WWOX: variants seen among roughly 807,000 people sequenced by gnomAD.
WWOX encodes the protein WW domain-containing oxidoreductase.
In WWOX, 69 loss-of-function variants were observed where a neutral mutation model predicts 46.2. The observed-to-expected ratio is 1.49, with a 90% CI of 1.23 to 1.82. The LOEUF is 1.82. Ranked by LOEUF, WWOX falls within the 40% of genes most tolerant of loss-of-function variation. The probability of loss-of-function intolerance (pLI) is 0.00; values close to 1 mark genes in which losing one functional copy is unlikely to be tolerated. For missense variants in WWOX, 919 were observed against 542.6 expected, an observed-to-expected ratio of 1.69 and a Z score of -6.89; for synonymous variants, 359 against 202.6, an observed-to-expected ratio of 1.77 and a Z score of -6.56.
At chr16:78,155,748 C>T (rs1199478408) in intron 4 of WWOX, among the ~76,000 whole-genome samples, 1 of 152,170 alleles carries the variant, frequency 6.6e-6, no homozygotes, top group Non-Finnish European at 1.5e-5. Flanking sequence ...CATTATTTTG[C>T]ACAAACTTTG....
At chr16:78,499,633 C>T (rs2085009402) in intron 8 of WWOX, among the ~76,000 whole-genome samples, 1 of 152,102 alleles carries the variant, frequency 6.6e-6, no homozygotes, top group South Asian at 2.1e-4. Context: ...GTTGTACCAT[C>T]TGGTAGTTGT....
intron 6 of WWOX, among the ~76,000 whole-genome samples, chr16:78,408,367 C>G (rs985152463): frequency 7.2e-5 from 11 of 152,126 alleles, no homozygotes; most frequent in Non-Finnish European, 5.9e-5. Context: ...ATATAAGGCC[C>G]CAGACCCAGC....
At chr16:78,769,782 G>A (rs1344118579) in intron 8 of WWOX, among the ~76,000 whole-genome samples, 1 of 151,030 alleles carries the variant, frequency 6.6e-6, no homozygotes, top group African/African-American at 2.4e-5. Flanking sequence ...CAAGGTGGAA[G>A]GATCGCCTGA....
chr16:78,368,905 C>T (rs1352732799), intron 5 of WWOX, among the ~76,000 whole-genome samples: 1 of 152,196 alleles, frequency 6.6e-6, no homozygotes, highest in African/African-American at 2.4e-5. Context: ...CCCACCACTG[C>T]TCTGTGTCTG....
At chr16:78,144,595 C>T (rs905327737) in intron 4 of WWOX, among the ~76,000 whole-genome samples, 2 of 143,248 alleles carry the variant, frequency 1.4e-5, no homozygotes, top group African/African-American at 5.2e-5. Context: ...GATCTGAGCT[C>T]ACTGCAACCT....
intron 8 of WWOX, among the ~76,000 whole-genome samples, chr16:79,019,679 G>A (rs977482983): frequency 6.6e-6 from 1 of 151,852 alleles, no homozygotes; most frequent in African/African-American, 2.4e-5. Context: ...TCCAACCCCG[G>A]GCTCTCTAAG....
chr16:79,095,671 A>G (rs2049053293), intron 8 of WWOX, among the ~76,000 whole-genome samples: 1 of 152,076 alleles, frequency 6.6e-6, no homozygotes, highest in Non-Finnish European at 1.5e-5. Flanking sequence ...TCAACATGGA[A>G]CCATTATTTG....
rs575203514 is a variant in WWOX at position 78,800,825 on chromosome 16, C to G, written c.1056+368073C>G. On this transcript the variant is annotated intron_variant, in intron 8 of 8. Coordinates refer to ENST00000566780, the MANE Select transcript of WWOX (RefSeq NM_016373.4). Reference sequence around the variant, plus strand: ...CAAACTTCTCTTGAGATAGCATCTCCTCCCCAGCACTCACTTGACAGATTG... The same window carrying G: ...CAAACTTCTCTTGAGATAGCATCTCGTCCCCAGCACTCACTTGACAGATTG... 3.3e-5 allele frequency among the ~76,000 whole-genome samples: 5 copies of G among 150,736 alleles called. No homozygotes were observed. In the East Asian group the frequency reaches 9.7e-4, roughly 29 times the overall value.
At chr16:79,034,468 G>C (rs2047827086) in intron 8 of WWOX, among the ~76,000 whole-genome samples, 2 of 152,182 alleles carry the variant, frequency 1.3e-5, no homozygotes. Flanking sequence ...TTAAACAGCT[G>C]CATCTTTTGG....
At chr16:78,228,069 A>C (rs926820005) in intron 5 of WWOX, among the ~76,000 whole-genome samples, 1 of 151,922 alleles carries the variant, frequency 6.6e-6, no homozygotes, top group Admixed American at 6.6e-5. Context: ...GCCCAGGGCT[A>C]TGGGGAGAGG....
rs185269734 is a variant in WWOX at position 78,669,872 on chromosome 16, C to A, written c.1056+237120C>A. ...TTAGGGAGAAGGAAAAATAAAGTTT[C>A]TCTCCACGTTACGTTTTTTTCTTGC... On this transcript the variant is annotated intron_variant, in intron 8 of 8. Transcript: ENST00000566780. Among the ~76,000 whole-genome samples the A allele has an allele frequency of 7.9e-5, 12 of 152,276 alleles. No individual in the cohort carries two copies. In the East Asian group the frequency reaches 2.3e-3, roughly 29 times the overall value.
At chr16:79,156,154 A>G (rs897504840) in intron 8 of WWOX, among the ~76,000 whole-genome samples, 2 of 152,112 alleles carry the variant, frequency 1.3e-5, no homozygotes, top group African/African-American at 4.8e-5. Flanking sequence ...CTGTAGGTCT[A>G]GCAATTGGAG....
At chr16:78,635,894 G>T (rs961338235) in intron 8 of WWOX, among the ~76,000 whole-genome samples, 1 of 152,164 alleles carries the variant, frequency 6.6e-6, no homozygotes, top group Non-Finnish European at 1.5e-5. Context: ...TGGAAACCAG[G>T]ACACAGAGAA....
At chr16:78,885,887 A>G (rs896047742) in intron 8 of WWOX, among the ~76,000 whole-genome samples, 2 of 150,882 alleles carry the variant, frequency 1.3e-5, no homozygotes, top group African/African-American at 4.9e-5. Context: ...TTTAGAGTTG[A>G]GTTTTAATCA....
intron 8 of WWOX, among the ~76,000 whole-genome samples, chr16:78,875,451 C>CA (rs965099588): frequency 6.6e-6 from 1 of 151,942 alleles, no homozygotes; most frequent in African/African-American, 2.4e-5. Flanking sequence ...ATGATTAAAA[C>CA]AAAAAAATAG....
chr16:78,819,055 C>G (rs761810817), intron 8 of WWOX, among the ~76,000 whole-genome samples: 4 of 152,194 alleles, frequency 2.6e-5, no homozygotes, highest in African/African-American at 4.8e-5. Context: ...CGGCGAAGCA[C>G]TTAGCACATG....
At chr16:79,091,930 G>T (rs944064827) in intron 8 of WWOX, among the ~76,000 whole-genome samples, 1 of 151,766 alleles carries the variant, frequency 6.6e-6, no homozygotes, top group African/African-American at 2.4e-5. Flanking sequence ...ACAGGTGCAT[G>T]CCACCACGCC....
chr16:79,011,959 C>G (rs1229062295), intron 8 of WWOX, among the ~76,000 whole-genome samples: 2 of 152,174 alleles, frequency 1.3e-5, no homozygotes, highest in Non-Finnish European at 1.5e-5. Context: ...TGGCCTCTGT[C>G]AACTTCCTTA....
At chr16:78,431,600 T>A (rs12325302) in intron 7 of WWOX, among the ~76,000 whole-genome samples, 9 of 152,128 alleles carry the variant, frequency 5.9e-5, no homozygotes, top group Non-Finnish European at 8.8e-5. Flanking sequence ...TTGAAAAATA[T>A]ATGTTAGAGG....
Sources: allele counts gnomAD v4.1 joint callset (sites outside exome capture counted in the v4.1 genomes callset), GRCh38; gene constraint gnomAD v4.1.1; transcripts MANE v1.5; gene names NCBI Gene and HGNC (gene_info 2026-07-23, HGNC 2026-07-21).